The following SHF variants were observed in gnomAD, a reference collection of about 807,000 sequenced individuals.
SHF encodes Src homology 2 domain containing F.
SHF carries 30 observed loss-of-function variants against 42.4 expected under a neutral mutation model. That is an observed-to-expected ratio of 0.71 (90% CI 0.53 to 0.96). The LOEUF is 0.96. SHF is among the 40% of genes least tolerant of loss of function. The pLI is 0.00. For missense variants in SHF, 598 were observed against 634.0 expected (o/e 0.94, Z 0.61); for synonymous variants, 264 against 269.9 (o/e 0.98, Z 0.21).
chr15:45,197,939 T>C (rs1335723855), intron 2 of SHF, among the ~76,000 whole-genome samples: 1 of 152,076 alleles, frequency 6.6e-6, no homozygotes, highest in Non-Finnish European at 1.5e-5. Flanking sequence ...TATATATTCA[T>C]ACAAGGACTG....
At chr15:45,181,443 T>G (rs1471503731) in intron 1 of SHF, among the ~76,000 whole-genome samples, 2 of 152,236 alleles carry the variant, frequency 1.3e-5, no homozygotes, top group Non-Finnish European at 2.9e-5. Context: ...GTCCCCAGGA[T>G]AGACTGCTTA....
At chr15:45,181,553 T>G (rs565603315) in intron 1 of SHF, among the ~76,000 whole-genome samples, 1 of 152,360 alleles carries the variant, frequency 6.6e-6, no homozygotes, top group Admixed American at 6.5e-5. Flanking sequence ...TGCTCACTAC[T>G]GTATCCTGCA....
intron 1 of SHF, among the ~76,000 whole-genome samples, chr15:45,184,935 T>G (rs2080871205): frequency 2.0e-5 from 3 of 152,210 alleles, no homozygotes. Flanking sequence ...GGTCCCAGGG[T>G]GGGCTGGCAG....
upstream of SHF, among the ~76,000 whole-genome samples, chr15:45,191,763 A>G (rs958229992): frequency 2.7e-5 from 4 of 150,894 alleles, no homozygotes; most frequent in Non-Finnish European, 4.4e-5. Context: ...TTTTTTGGGG[A>G]AAACTATCAA....
intron 1 of SHF, among the ~76,000 whole-genome samples, chr15:45,183,784 T>TGGTGCCACAATGTGG (rs1192574926): frequency 6.6e-6 from 1 of 152,208 alleles, no homozygotes; most frequent in Non-Finnish European, 1.5e-5. Context: ...CAGACAGAGT[T>TGGTGCCACAATGTGG]GGTGCCACAA....
intron 1 of SHF, among the ~76,000 whole-genome samples, chr15:45,185,217 CAGG>C (rs1898326922): frequency 6.6e-6 from 1 of 152,260 alleles, no homozygotes; most frequent in Admixed American, 6.5e-5. Flanking sequence ...CATCACATGT[CAGG>C]AGGAGACCTC....
chr15:45,198,983 C>G, exon 2 of SHF: 1 of 1,612,902 alleles, frequency 6.2e-7, no homozygotes, highest in Non-Finnish European at 8.5e-7. Context: ...GGGGGATGCC[C>G]GTTTCCTATG....
intron 2 of SHF, chr15:45,198,499 G>A (rs952700769): frequency 4.0e-5 from 16 of 397,484 alleles, no homozygotes; most frequent in African/African-American, 1.4e-4. Context: ...GTTTTCAAAG[G>A]AGAGAAACGT....
chr15:45,173,742 G>A, intron 3 of SHF, 26 bp from the exon 4 acceptor site: 1 of 1,551,344 alleles, frequency 6.4e-7, no homozygotes, highest in Non-Finnish European at 8.7e-7. Flanking sequence ...GAAGTGAGAA[G>A]AGAGACAGAC....
At chr15:45,181,782 G>A (rs562234702) in intron 1 of SHF, among the ~76,000 whole-genome samples, 2 of 152,178 alleles carry the variant, frequency 1.3e-5, no homozygotes, top group Non-Finnish European at 2.9e-5. Context: ...GTCCGCAAAG[G>A]ACCTTTGGGG....
At chr15:45,199,710 G>A (rs1299817399) in intron 1 of SHF, 2 of 152,104 alleles carry the variant, frequency 1.3e-5, no homozygotes, top group Non-Finnish European at 2.9e-5. Flanking sequence ...GCGTTGTTGG[G>A]GTGGGGACTT....
chr15:45,200,554 C>T, intron 1 of SHF: 1 of 366,230 alleles, frequency 2.7e-6, no homozygotes, highest in South Asian at 2.0e-5. Context: ...CGCCCCCTTG[C>T]AATGTCATTG....
Position 45,187,927 on chromosome 15 carries a change from C to A in SHF, c.25G>T (p.Ala9Ser). Residue 9 changes from alanine to serine, a missense_variant, in exon 1 of 7, where the codon GCT (alanine) becomes TCT (serine). Coordinates refer to ENST00000690270, the MANE Select transcript of SHF (RefSeq NM_001394037.1). ...GTTCGCGGCCCCGGGCGGGAGCCAG[C>A]CGGAGGAGCTCCGCTCAGTAACATG... The part of the protein sequence containing the change: MLLSGAPP[A>S]GSRPGPRTQG... 8.5e-7 allele frequency: 1 copy of A among 1,179,304 alleles called. No homozygotes were observed. Among genetic ancestry groups the A allele is most frequent in the Non-Finnish European group, 1.0e-6 (1 of 954,358 alleles). 73.1% of individuals were successfully genotyped at this position (1,179,304 alleles called of 1,614,324 possible). A position where few individuals can be genotyped will look rare whatever the true frequency, so the allele number is the denominator to read the frequency against.
intron 1 of SHF, among the ~76,000 whole-genome samples, chr15:45,186,464 T>C (rs910729123): frequency 5.3e-5 from 8 of 151,974 alleles, no homozygotes; most frequent in Non-Finnish European, 1.2e-4. Flanking sequence ...TCGGGGTGAG[T>C]GAAGAAGGAC....
intron 3 of SHF, chr15:45,174,206 C>T (rs1897674903): frequency 5.3e-6 from 1 of 189,380 alleles, no homozygotes; most frequent in South Asian, 9.5e-5. Context: ...CAGGATTACT[C>T]AGACTTGAGG....
intron 1 of SHF, among the ~76,000 whole-genome samples, chr15:45,182,039 T>C (rs1389917180): frequency 6.6e-6 from 1 of 152,190 alleles, no homozygotes; most frequent in Non-Finnish European, 1.5e-5. Context: ...TCTGTTCCAA[T>C]TGGGCATTAC....
chr15:45,185,999 C>T (rs1898376130), intron 1 of SHF, among the ~76,000 whole-genome samples: 2 of 152,184 alleles, frequency 1.3e-5, no homozygotes, highest in South Asian at 2.1e-4. Context: ...AGGAGAAGGG[C>T]CAAAGACAGC....
At chr15:45,176,468 G>A (rs778021601) in intron 2 of SHF, among the ~76,000 whole-genome samples, 6 of 151,478 alleles carry the variant, frequency 4.0e-5, no homozygotes, top group Non-Finnish European at 7.4e-5. Flanking sequence ...CCACGGACCC[G>A]GCAAAGACTT....
At position 45,178,226 on chromosome 15, in the gene SHF, T is replaced by C; in HGVS notation, c.579A>G (p.Pro193=). The change falls in exon 2 of 7, where the codon CCA becomes CCG. Residue 193 remains proline (P), a synonymous_variant. Coordinates refer to ENST00000690270, the MANE Select transcript of SHF (RefSeq NM_001394037.1). The part of the protein sequence containing the change: ...GEGSAGASGA[P]EKVPENDGYM... The stretch of plus-strand genomic sequence containing the variant: ...AGCCATCATTTTCAGGGACCTTCTC[T>C]GGGGCTCCTGAAGCTCCTGCTGAGC... The C allele has an allele frequency of 6.2e-7, 1 of 1,613,900 alleles. No homozygotes were observed. The highest frequency in any genetic ancestry group is 8.5e-7 in the Non-Finnish European group (1 of 1,179,878).
Sources: gnomAD v4.1 joint callset for allele counts (sites outside exome capture counted in the v4.1 genomes callset) on GRCh38, gnomAD v4.1.1 for gene constraint, MANE v1.5 for transcripts, NCBI Gene and HGNC (gene_info 2026-07-23, HGNC 2026-07-21) for gene names.